BCLAF3: variants seen among roughly 807,000 people sequenced by gnomAD.
BCLAF3 encodes BCLAF1 and THRAP3 family member 3, also known as transient octamer binding factor 1.
A neutral mutation model predicts 51.2 loss-of-function variants in BCLAF3; 24 were observed. The ratio of observed to expected loss-of-function variants is 0.47; its 90% CI spans 0.34 to 0.66. The LOEUF is 0.66. Ranked by LOEUF, BCLAF3 falls within the 30% of genes least tolerant of loss-of-function variation. The pLI, the probability that BCLAF3 is intolerant of heterozygous loss-of-function variation, is 0.01. For synonymous variants in BCLAF3, 152 were observed against 176.6 expected (o/e 0.86, Z 1.10); for missense variants, 465 against 525.1 (o/e 0.89, Z 1.12).
chrX:19,989,223 C>T (rs1472507159), intron 1 of BCLAF3, among the ~76,000 whole-genome samples: 1 of 111,052 alleles, frequency 9.0e-6, no homozygotes, highest in African/African-American at 3.3e-5. Flanking sequence ...GGGCCGGGCG[C>T]GGTGGCTCAC....
intron 2 of BCLAF3, among the ~76,000 whole-genome samples, chrX:19,967,303 T>G (rs898316861): frequency 8.9e-6 from 1 of 111,884 alleles, no homozygotes; most frequent in African/African-American, 3.3e-5. Context: ...ATCTCATGCT[T>G]AGTTCCTCCA....
chrX:19,965,369 G>A lies in BCLAF3; in HGVS notation c.949C>T (p.Pro317Ser), dbSNP rs1245131925. 1 of 1,208,697 alleles carries A rather than the reference G, an allele frequency of 8.3e-7. No individual in the cohort carries two copies. The highest frequency in any genetic ancestry group is 1.8e-5 in the African/African-American group (1 of 57,106). The change falls in exon 4 of 12, where the codon CCT becomes TCT. Residue 317 changes from proline (P) to serine (S), a missense_variant. Pro to Ser is a moderately conservative substitution (Grantham distance 74, BLOSUM62 -1). Transcript: ENST00000379682. ...EDRKYSFQKG[P>S]LNRELDCFNT... ...AAACAATCTAACTCTCTATTTAGAGGGCCTTTTTGAAAACTATATTTTCTA... is the reference window on the plus strand; with the variant it reads ...AAACAATCTAACTCTCTATTTAGAGAGCCTTTTTGAAAACTATATTTTCTA...
chrX:19,953,397 G>C (rs1173437187), intron 6 of BCLAF3, among the ~76,000 whole-genome samples: 1 of 111,705 alleles, frequency 9.0e-6, no homozygotes, highest in Non-Finnish European at 1.9e-5. Context: ...GTTTCATCTG[G>C]CTGCCCTCAG....
At chrX:19,973,797 C>T (rs911519240) in intron 1 of BCLAF3, among the ~76,000 whole-genome samples, 4 of 112,236 alleles carry the variant, frequency 3.6e-5, no homozygotes, top group African/African-American at 1.3e-4. Flanking sequence ...ACTCCATTAT[C>T]ACAGAACACA....
intron 5 of BCLAF3, 97 bp downstream of exon 5, chrX:19,955,294 T>G (rs1038365861): frequency 1.8e-6 from 1 of 560,753 alleles, no homozygotes; most frequent in African/African-American, 2.4e-5. Context: ...AATGAAATAT[T>G]AATTACTATT....
At position 19,940,331 on chromosome X, in the gene BCLAF3, G is replaced by T. The variant is rs1220387794; in HGVS notation, c.1746-2799C>A. ...TAGGGTACATGTGCACATTGTGCAG[G>T]TTAGTTACATATGTATACATGTGCC... On this transcript the variant is annotated intron_variant, in intron 8 of 11. Coordinates refer to ENST00000379682, the MANE Select transcript of BCLAF3 (RefSeq NM_001367774.2). Among the ~76,000 whole-genome samples the T allele has an allele frequency of 8.7e-4, 94 of 107,565 alleles. 1 individual carries two copies. Among genetic ancestry groups the T allele is most frequent in the African/African-American group, 3.1e-3 (90 of 29,401 alleles). The allele number at this position is 107,565 out of a possible 115,157, so 93.4% of individuals were successfully genotyped here. A position where few individuals can be genotyped will look rare whatever the true frequency, so the allele number is the denominator to read the frequency against.
intron 9 of BCLAF3, 55 bp from the exon 10 acceptor site, chrX:19,935,953 A>G: frequency 1.0e-6 from 1 of 955,949 alleles, no homozygotes; most frequent in Non-Finnish European, 1.5e-6. Context: ...TTACTTTAAA[A>G]GCTTGTTTTA....
intron 11 of BCLAF3, among the ~76,000 whole-genome samples, chrX:19,925,033 A>G (rs1177131610): frequency 2.7e-5 from 3 of 111,552 alleles, no homozygotes; most frequent in African/African-American, 6.5e-5. Flanking sequence ...GGGTGCCACA[A>G]TGGAATATGA....
At chrX:19,978,387 G>C (rs775339455) in intron 1 of BCLAF3, among the ~76,000 whole-genome samples, 1 of 111,556 alleles carries the variant, frequency 9.0e-6, no homozygotes, top group Non-Finnish European at 1.9e-5. Flanking sequence ...CAACTCTCAC[G>C]GATGATTTTG....
intron 8 of BCLAF3, among the ~76,000 whole-genome samples, chrX:19,946,133 C>G (rs1217138360): frequency 9.0e-6 from 1 of 111,097 alleles, no homozygotes; most frequent in Non-Finnish European, 1.9e-5. Flanking sequence ...TGCTTCGGCT[C>G]GCGCCCGGTG....
chrX:19,944,634 T>G (rs1306583695), intron 8 of BCLAF3, among the ~76,000 whole-genome samples: 3 of 85,629 alleles, frequency 3.5e-5, no homozygotes, highest in Non-Finnish European at 6.1e-5. Flanking sequence ...GGGTTTCTGC[T>G]GAGAGATCCG....
At chrX:19,975,327 C>A (rs762681678) in intron 1 of BCLAF3, among the ~76,000 whole-genome samples, 2 of 102,902 alleles carry the variant, frequency 1.9e-5, no homozygotes, top group East Asian at 5.9e-4. Context: ...GTTCTTTTTT[C>A]TTTTTTTTTT....
intron 11 of BCLAF3, among the ~76,000 whole-genome samples, chrX:19,924,657 G>A (rs1341996171): frequency 2.7e-5 from 3 of 111,573 alleles, no homozygotes; most frequent in Non-Finnish European, 5.6e-5. Flanking sequence ...CCTGGACAGA[G>A]CTCTGGTAAG....
At chrX:19,954,661 A>T (rs1220738511) in intron 5 of BCLAF3, among the ~76,000 whole-genome samples, 2 of 112,048 alleles carry the variant, frequency 1.8e-5, no homozygotes, top group Admixed American at 1.9e-4. Context: ...AGAGGAAAAA[A>T]ACTCATTTTC....
intron 8 of BCLAF3, among the ~76,000 whole-genome samples, chrX:19,945,388 T>C (rs1312880376): frequency 9.3e-6 from 1 of 107,113 alleles, no homozygotes. Flanking sequence ...TTCTGTTTTT[T>C]CCCCATCTTT....
chrX:19,985,769 C>T (rs2148063714), intron 1 of BCLAF3, among the ~76,000 whole-genome samples: 1 of 110,661 alleles, frequency 9.0e-6, no homozygotes, highest in East Asian at 2.8e-4. Flanking sequence ...ATGGGCAGAC[C>T]TTGTCTCTAC....
intron 6 of BCLAF3, 69 bp from the exon 7 acceptor site, chrX:19,953,120 C>T (rs1344750069): frequency 1.1e-6 from 1 of 871,738 alleles, no homozygotes; most frequent in African/African-American, 2.0e-5. Context: ...TCTACTATTA[C>T]AGAACAGAAT....
In BCLAF3 at chrX:19,970,237, T is replaced by C. The variant is rs201192111; in HGVS notation, c.28A>G (p.Arg10Gly). The change falls in exon 2 of 12, where the codon AGG becomes GGG. Residue 10 changes from arginine (R) to glycine (G), a missense_variant. Coordinates refer to ENST00000379682, the MANE Select transcript of BCLAF3 (RefSeq NM_001367774.2). Reference sequence around the variant, plus strand: ...AGAACTGCTCACCTGTGTTTCCACCTGGGGGATCTAGATCGTGACCGTGCC... The same window carrying C: ...AGAACTGCTCACCTGTGTTTCCACCCGGGGGATCTAGATCGTGACCGTGCC... The part of the protein sequence containing the change: MARSRSRSP[R>G]WKHRSLSPVP... The C allele has an allele frequency of 1.5e-5, 18 of 1,210,046 alleles. No individual in the cohort carries two copies. The highest frequency in any genetic ancestry group is 6.5e-5 in the Admixed American group (3 of 45,835).
chrX:19,952,848 CTT>C (rs1238982904), intron 7 of BCLAF3, 138 bp downstream of exon 7: 9 of 468,711 alleles, frequency 1.9e-5, no homozygotes, highest in Non-Finnish European at 3.2e-5. Context: ...CACCTGAAGA[CTT>C]TTTTAATTTC....
Sources: gnomAD v4.1 joint callset for allele counts (sites outside exome capture counted in the v4.1 genomes callset) on GRCh38, gnomAD v4.1.1 for gene constraint, MANE v1.5 for transcripts, NCBI Gene and HGNC (gene_info 2026-07-23, HGNC 2026-07-21) for gene names.